The following GRIA3 variants were observed in gnomAD, a reference collection of about 807,000 sequenced individuals.
GRIA3 encodes the protein glutamate ionotropic receptor AMPA type subunit 3, also known as glutamate receptor 3.
In GRIA3, 3 loss-of-function variants were observed where a neutral mutation model predicts 63.0. The observed-to-expected ratio is 0.05, with a 90% CI of 0.02 to 0.12. The LOEUF (loss-of-function observed/expected upper bound fraction) is 0.12. Ranked by LOEUF, GRIA3 falls within the 10% of genes least tolerant of loss-of-function variation. The probability of loss-of-function intolerance (pLI) is 1.00; values close to 1 mark genes in which losing one functional copy is unlikely to be tolerated. For missense variants in GRIA3, 347 were observed against 700.9 expected, an observed-to-expected ratio of 0.50 and a Z score of 5.70; for synonymous variants, 274 against 257.9, an observed-to-expected ratio of 1.06 and a Z score of -0.60.
chrX:123,211,303 C>A (rs951118724), intron 2 of GRIA3, among the ~76,000 whole-genome samples: 14 of 111,751 alleles, frequency 1.3e-4, no homozygotes, highest in Admixed American at 8.6e-4. Context: ...GCTATAAATA[C>A]CTTACAAGTC....
At chrX:123,210,097 TG>T (rs1334262782) in intron 2 of GRIA3, among the ~76,000 whole-genome samples, 1 of 108,338 alleles carries the variant, frequency 9.2e-6, no homozygotes, top group Non-Finnish European at 1.9e-5. Flanking sequence ...CATGAAAGTT[TG>T]GGGTCCAGCA....
intron 12 of GRIA3, among the ~76,000 whole-genome samples, chrX:123,455,456 T>C (rs1408249943): frequency 8.9e-6 from 1 of 112,289 alleles, no homozygotes; most frequent in Non-Finnish European, 1.9e-5. Context: ...CAATGATTCC[T>C]TTTTCCAAAT....
At chrX:123,307,767 T>C (rs1168128283) in intron 3 of GRIA3, among the ~76,000 whole-genome samples, 1 of 111,101 alleles carries the variant, frequency 9.0e-6, no homozygotes, top group Non-Finnish European at 1.9e-5. Context: ...CACTGTGCGC[T>C]GTAGTCTCGG....
At chrX:123,185,455 T>C (rs941868555) in intron 1 of GRIA3, among the ~76,000 whole-genome samples, 10 of 97,813 alleles carry the variant, frequency 1.0e-4, no homozygotes, top group African/African-American at 3.9e-4. Flanking sequence ...CTTCCCAACC[T>C]TTCCCTTCAC....
intron 3 of GRIA3, among the ~76,000 whole-genome samples, chrX:123,265,089 A>G (rs778910471): frequency 5.4e-5 from 6 of 111,906 alleles, no homozygotes; most frequent in Non-Finnish European, 1.1e-4. Context: ...ATGGAAGTGA[A>G]TGAAACAGAG....
intron 4 of GRIA3, among the ~76,000 whole-genome samples, chrX:123,343,518 T>A (rs1603102745): frequency 9.0e-6 from 1 of 110,779 alleles, no homozygotes; most frequent in East Asian, 2.8e-4. Flanking sequence ...GATGTACTAT[T>A]GTTTAAGACT....
chrX:123,198,340 G>A (rs1927629328), intron 2 of GRIA3, among the ~76,000 whole-genome samples: 1 of 112,152 alleles, frequency 8.9e-6, no homozygotes, highest in Non-Finnish European at 1.9e-5. Flanking sequence ...TCTGTTCAAT[G>A]AGAATAAATA....
rs779967530 is a variant in GRIA3, at chrX:123,229,299, A to C, written c.269-24004A>C. ...ATAACATTCATCATGATGACCGTGA[A>C]ACTGTAAAAGACTTGGAGGTACTTT... On this transcript the variant is annotated intron_variant, in intron 2 of 15. Coordinates refer to ENST00000620443, the MANE Select transcript of GRIA3 (RefSeq NM_007325.5). Among the ~76,000 whole-genome samples the C allele has an allele frequency of 3.6e-5, 4 of 112,142 alleles. No individual in the cohort carries two copies. The South Asian group carries it at 1.5e-3, about 42-fold the overall frequency.
At position 123,489,344 on chromosome X, in the gene GRIA3, A is replaced by T. The variant is rs1267823630; in HGVS notation, c.*634A>T. The T allele has an allele frequency of 2.7e-5, 3 of 112,620 alleles. No individual in the cohort carries two copies. Among genetic ancestry groups the T allele is most frequent in the African/African-American group, 9.7e-5 (3 of 30,853 alleles). 9.3% of individuals were successfully genotyped at this position (112,620 alleles called of 1,213,427 possible). The stretch of plus-strand genomic sequence containing the variant: ...TATATCTTTAGAATGTAAATGCAAC[A>T]CTTAAGAAAATTCAAACACTTTGGA... On this transcript the variant is annotated 3_prime_UTR_variant, in exon 16 of 16. Transcript: ENST00000620443.
intron 12 of GRIA3, among the ~76,000 whole-genome samples, chrX:123,430,698 C>T (rs1244672561): frequency 9.0e-6 from 1 of 110,827 alleles, no homozygotes; most frequent in Non-Finnish European, 1.9e-5. Flanking sequence ...TAAAAACTAA[C>T]TCCTGGCCAG....
intron 12 of GRIA3, among the ~76,000 whole-genome samples, chrX:123,446,708 G>T: frequency 8.9e-6 from 1 of 111,914 alleles, no homozygotes; most frequent in Admixed American, 9.5e-5. Flanking sequence ...TGGGTTACAG[G>T]CCTGAATAAG....
chrX:123,248,255 CT>C (rs1179325775), intron 2 of GRIA3, among the ~76,000 whole-genome samples: 1 of 112,190 alleles, frequency 8.9e-6, no homozygotes, highest in East Asian at 2.8e-4. Context: ...GGATTTCAAC[CT>C]ATGTGGTCTA....
intron 3 of GRIA3, among the ~76,000 whole-genome samples, chrX:123,309,472 G>A (rs900693644): frequency 1.5e-4 from 17 of 111,452 alleles, no homozygotes; most frequent in African/African-American, 4.6e-4. Context: ...GCTGCTGATT[G>A]TGTTCTTTGC....
chrX:123,334,220 T>C (rs940458644), intron 4 of GRIA3, among the ~76,000 whole-genome samples: 1 of 111,975 alleles, frequency 8.9e-6, no homozygotes, highest in Non-Finnish European at 1.9e-5. Flanking sequence ...GGTAAAAGCC[T>C]TCAACAACAT....
intron 2 of GRIA3, among the ~76,000 whole-genome samples, chrX:123,188,872 C>T (rs1267634848): frequency 9.0e-6 from 1 of 111,634 alleles, no homozygotes; most frequent in Non-Finnish European, 1.9e-5. Context: ...ATATGTGTCC[C>T]TGTTCTCTGT....
chrX:123,425,656 G>A (rs1400196433), intron 11 of GRIA3, among the ~76,000 whole-genome samples: 2 of 111,719 alleles, frequency 1.8e-5, no homozygotes, highest in Non-Finnish European at 3.8e-5. Context: ...GACTCATCCA[G>A]ATGTTTTTAC....
intron 4 of GRIA3, among the ~76,000 whole-genome samples, chrX:123,337,591 C>T (rs2044982591): frequency 9.0e-6 from 1 of 111,291 alleles, no homozygotes; most frequent in Non-Finnish European, 1.9e-5. Flanking sequence ...TACACATTTG[C>T]GAGGTAAATA....
At chrX:123,224,880 C>T (rs2044237651) in intron 2 of GRIA3, among the ~76,000 whole-genome samples, 1 of 111,650 alleles carries the variant, frequency 9.0e-6, no homozygotes, top group Non-Finnish European at 1.9e-5. Context: ...TGGAAGAATT[C>T]CCCCTTCCCA....
At chrX:123,267,097 T>C (rs2044492892) in intron 3 of GRIA3, among the ~76,000 whole-genome samples, 1 of 111,975 alleles carries the variant, frequency 8.9e-6, no homozygotes, top group Non-Finnish European at 1.9e-5. Context: ...GTCTTATTTA[T>C]CTCTGCCAAT....
Sources: allele counts gnomAD v4.1 joint callset (sites outside exome capture counted in the v4.1 genomes callset), GRCh38; gene constraint gnomAD v4.1.1; transcripts MANE v1.5; gene names NCBI Gene and HGNC (gene_info 2026-07-23, HGNC 2026-07-21).